The following BRD4 variants were observed in gnomAD, a reference collection of about 807,000 sequenced individuals.
BRD4 encodes the protein bromodomain containing 4.
Under a neutral mutation model 142.1 loss-of-function variants are expected in BRD4, and 16 were observed. The observed-to-expected ratio is 0.11, with a 90% CI of 0.08 to 0.17. The LOEUF is 0.17. Ranked by LOEUF, BRD4 falls within the 10% of genes least tolerant of loss-of-function variation. The pLI is 1.00. For missense variants in BRD4, 1,424 were observed against 1,810.9 expected, an observed-to-expected ratio of 0.79 and a Z score of 3.88; for synonymous variants, 833 against 707.5, an observed-to-expected ratio of 1.18 and a Z score of -2.82.
Position 15,238,167 on chromosome 19 carries a change from T to A in BRD4, c.*210A>T. 1 of 700,806 alleles carries A rather than the reference T, an allele frequency of 1.4e-6. No homozygotes were observed. 43.4% of individuals were successfully genotyped at this position (700,806 alleles called of 1,614,324 possible). On this transcript the variant is annotated 3_prime_UTR_variant, in exon 20 of 20. Coordinates refer to ENST00000679869, the MANE Select transcript of BRD4 (RefSeq NM_001379291.1). The surrounding 1 kb of genome is among the most constrained non-coding windows in gnomAD (Gnocchi z 7.2). The stretch of plus-strand genomic sequence containing the variant: ...TGAGCGGACGTCCTGTGAGGGGTGG[T>A]GGGTGGCGGGACGTCTGTCCGACTG...
At chr19:15,323,310 C>T (rs185891733) in intron 1 of BRD4, among the ~76,000 whole-genome samples, 8 of 151,590 alleles carry the variant, frequency 5.3e-5, no homozygotes, top group African/African-American at 1.7e-4. Flanking sequence ...GGTTAGGCAA[C>T]GGGTCCAAGG....
At chr19:15,281,827 G>A (rs1387606057) in intron 1 of BRD4, among the ~76,000 whole-genome samples, 1 of 152,178 alleles carries the variant, frequency 6.6e-6, no homozygotes, top group East Asian at 1.9e-4. Flanking sequence ...AGACCACCAT[G>A]GGCAACACAG....
chr19:15,280,499 T>C, intron 1 of BRD4: 1 of 958,772 alleles, frequency 1.0e-6, no homozygotes, highest in South Asian at 4.9e-5. Context: ...CTGCAGCACC[T>C]GGCCATCTGC....
At position 15,237,247 on chromosome 19, in the gene BRD4, G is replaced by T. The variant is rs1396957478; in HGVS notation, c.*1130C>A. 8.0e-5 allele frequency: 7 copies of T among 87,282 alleles called. No individual in the cohort carries two copies. The highest frequency in any genetic ancestry group is 3.0e-4 in the East Asian group (1 of 3,350). 5.4% of individuals were successfully genotyped at this position (87,282 alleles called of 1,614,324 possible). ...AAACAAAAAAGCCAACAAATGGGTG[G>T]GGGGGGGGGGGGTGGAGGGGAAAGA... On this transcript the variant is annotated 3_prime_UTR_variant, in exon 20 of 20. Coordinates refer to ENST00000679869, the MANE Select transcript of BRD4 (RefSeq NM_001379291.1).
intron 1 of BRD4, among the ~76,000 whole-genome samples, chr19:15,299,832 C>T (rs1459017237): frequency 1.3e-5 from 2 of 152,216 alleles, no homozygotes; most frequent in Non-Finnish European, 2.9e-5. Flanking sequence ...CTGCACTTCA[C>T]CCACCCAGGC....
chr19:15,253,207 C>T (rs967314936), intron 11 of BRD4: 6 of 365,552 alleles, frequency 1.6e-5, no homozygotes, highest in South Asian at 9.0e-5. Flanking sequence ...CCCCGTTGGC[C>T]GTAAACACAG....
intron 1 of BRD4, among the ~76,000 whole-genome samples, chr19:15,295,795 ACT>A (rs1346264818): frequency 5.9e-5 from 9 of 152,190 alleles, no homozygotes; most frequent in South Asian, 4.1e-4. Flanking sequence ...ACATAGTGAA[ACT>A]CTGTCTCTAC....
At chr19:15,292,029 T>A (rs76495425) in intron 1 of BRD4, among the ~76,000 whole-genome samples, 6 of 152,208 alleles carry the variant, frequency 3.9e-5, no homozygotes, top group Non-Finnish European at 8.8e-5. Context: ...TTTTGCTACG[T>A]AGTGACAAAA....
At chr19:15,250,142 C>A (rs1258717287) in intron 11 of BRD4, among the ~76,000 whole-genome samples, 2 of 152,164 alleles carry the variant, frequency 1.3e-5, no homozygotes, top group African/African-American at 2.4e-5. Flanking sequence ...CGCCCACTGG[C>A]GGCCTCTCAC....
intron 1 of BRD4, among the ~76,000 whole-genome samples, chr19:15,281,202 G>A (rs1037855053): frequency 2.0e-5 from 3 of 152,208 alleles, no homozygotes; most frequent in Admixed American, 1.3e-4. Context: ...CCTCCTTCAC[G>A]CAGTGTGTAT....
intron 11 of BRD4, among the ~76,000 whole-genome samples, chr19:15,252,515 T>C (rs992636301): frequency 2.0e-5 from 3 of 152,160 alleles, no homozygotes; most frequent in African/African-American, 7.2e-5. Flanking sequence ...GCTAATTGGA[T>C]CCAAGAATAC....
At chr19:15,289,308 T>C (rs1402927528) in intron 1 of BRD4, among the ~76,000 whole-genome samples, 5 of 152,198 alleles carry the variant, frequency 3.3e-5, no homozygotes, top group African/African-American at 9.6e-5. Context: ...TCCCAGCACT[T>C]TGGGAGGCCG....
Position 15,292,574 on chromosome 19 carries a change from C to T in BRD4, c.-34-19441G>A, listed in dbSNP as rs2047790247. Among the ~76,000 whole-genome samples, 3 of 151,956 alleles carry T rather than the reference C, an allele frequency of 2.0e-5. No individual in the cohort carries two copies. In the South Asian group the frequency reaches 6.2e-4, roughly 32 times the overall value. ...CGGGCGGATCACGAGGTCAGGAGAT[C>T]GAGACCATCTTGGCTAACATGGTGA... On this transcript the variant is annotated intron_variant, in intron 1 of 19. Coordinates refer to ENST00000679869, the MANE Select transcript of BRD4 (RefSeq NM_001379291.1).
chr19:15,292,554 G>A (rs1047739707), intron 1 of BRD4, among the ~76,000 whole-genome samples: 2 of 151,990 alleles, frequency 1.3e-5, no homozygotes, highest in African/African-American at 4.8e-5. Flanking sequence ...CGAGGCGGGC[G>A]GATCACGAGG....
In BRD4 at chr19:15,237,550, A is replaced by T. The variant is rs1209191360; in HGVS notation, c.*827T>A. The T allele has an allele frequency of 4.4e-6, 1 of 226,558 alleles. No individual in the cohort carries two copies. Among genetic ancestry groups the T allele is most frequent in the Non-Finnish European group, 8.8e-6 (1 of 113,880 alleles). 14.0% of individuals were successfully genotyped at this position (226,558 alleles called of 1,614,324 possible). ...GAGACGATCACACCATTTCGGAGAT[A>T]AGCAGTGCCATTGTGTCTGGAGGAG... On this transcript the variant is annotated 3_prime_UTR_variant, in exon 20 of 20. Coordinates refer to ENST00000679869, the MANE Select transcript of BRD4 (RefSeq NM_001379291.1).
chr19:15,300,576 TCAAA>T (rs2047859078), intron 1 of BRD4, among the ~76,000 whole-genome samples: 1 of 146,170 alleles, frequency 6.8e-6, no homozygotes, highest in Non-Finnish European at 1.5e-5. Flanking sequence ...AAACAAAAAA[TCAAA>T]CAAAACCATG....
chr19:15,258,803 G>C (rs760220426), intron 7 of BRD4, among the ~76,000 whole-genome samples: 1 of 152,090 alleles, frequency 6.6e-6, no homozygotes, highest in Non-Finnish European at 1.5e-5. Flanking sequence ...TGCCCAGGCT[G>C]GTCTCCAACT....
intron 1 of BRD4, among the ~76,000 whole-genome samples, chr19:15,279,729 A>G (rs2047686791): frequency 1.3e-5 from 2 of 152,330 alleles, no homozygotes; most frequent in Admixed American, 1.3e-4. Flanking sequence ...ATTGCTGGAG[A>G]TTCAGTTCCC....
chr19:15,263,673 A>G, intron 6 of BRD4, 125 bp from the exon 7 acceptor site: 1 of 1,253,722 alleles, frequency 8.0e-7, no homozygotes, highest in East Asian at 2.4e-5. Flanking sequence ...TTTGGTCAAG[A>G]CTCTAGTGGG....
Sources: allele counts gnomAD v4.1 joint callset (sites outside exome capture counted in the v4.1 genomes callset), GRCh38; gene constraint gnomAD v4.1.1; non-coding constraint Gnocchi (gnomAD v3.1); transcripts MANE v1.5; gene names NCBI Gene and HGNC (gene_info 2026-07-23, HGNC 2026-07-21).